Variants in ZNF10 observed in about 807,000 individuals in gnomAD.
ZNF10 encodes zinc finger protein 10.
A neutral mutation model predicts 12.2 loss-of-function variants in ZNF10; 8 were observed. The observed-to-expected ratio is 0.66, with a 90% CI of 0.39 to 1.18. The LOEUF is 1.18. Ranked by LOEUF, ZNF10 falls within the 50% of genes most tolerant of loss-of-function variation. The probability of loss-of-function intolerance (pLI) is 0.01; values close to 1 mark genes in which losing one functional copy is unlikely to be tolerated. For synonymous variants in ZNF10, 229 were observed against 228.2 expected (o/e 1.00, Z -0.03); for missense variants, 603 against 678.9 (o/e 0.89, Z 1.24).
In ZNF10 at chr12:133,151,171, T is replaced by G; in HGVS notation, c.160+17T>G. On this transcript the variant is annotated intron_variant, in intron 3 of 4. Coordinates refer to ENST00000248211, the MANE Select transcript of ZNF10 (RefSeq NM_015394.5). ...TTTCCTTGGGTAAGACTAGCTCTGT[T>G]TTTGAAGATTTTGGTTCTCCATTGA... The G allele has an allele frequency of 6.2e-7, 1 of 1,603,690 alleles. No homozygotes were observed. The highest frequency in any genetic ancestry group is 8.5e-7 in the Non-Finnish European group (1 of 1,173,540).
At chr12:133,140,940 T>G (rs564901134) in intron 1 of ZNF10, among the ~76,000 whole-genome samples, 1 of 98,178 alleles carries the variant, frequency 1.0e-5, no homozygotes, top group South Asian at 2.9e-4. Context: ...GAGCACAGAT[T>G]AGTACATACG....
At chr12:133,139,814 C>T (rs1955934023) in intron 1 of ZNF10, among the ~76,000 whole-genome samples, 1 of 152,100 alleles carries the variant, frequency 6.6e-6, no homozygotes, top group South Asian at 2.1e-4. Flanking sequence ...AGGCCCAGCA[C>T]TTTAGGAGGC....
chr12:133,148,322 T>C (rs575143944), intron 2 of ZNF10, among the ~76,000 whole-genome samples: 2 of 152,304 alleles, frequency 1.3e-5, no homozygotes, highest in South Asian at 4.1e-4. Context: ...CATTTCACCA[T>C]GTTGGCCAGG....
intron 2 of ZNF10, among the ~76,000 whole-genome samples, chr12:133,145,317 A>T (rs1481380760): frequency 6.6e-6 from 1 of 152,240 alleles, no homozygotes; most frequent in Admixed American, 6.5e-5. Flanking sequence ...AGGAGGAATG[A>T]AAGCATACTT....
intron 1 of ZNF10, among the ~76,000 whole-genome samples, chr12:133,137,251 C>T (rs1379026377): frequency 6.6e-6 from 1 of 152,188 alleles, no homozygotes; most frequent in Non-Finnish European, 1.5e-5. Flanking sequence ...ATATCTTCCT[C>T]TAGTCCATTA....
intron 4 of ZNF10, among the ~76,000 whole-genome samples, 156 bp downstream of exon 4, chr12:133,152,060 C>T (rs1956011994): frequency 6.6e-6 from 1 of 152,232 alleles, no homozygotes; most frequent in Non-Finnish European, 1.5e-5. Context: ...CCAGTCTTTA[C>T]ATTCCATTTG....
chr12:133,152,694 G>A (rs1340712124), intron 4 of ZNF10, among the ~76,000 whole-genome samples: 1 of 152,198 alleles, frequency 6.6e-6, no homozygotes, highest in Non-Finnish European at 1.5e-5. Context: ...GGGATTACAG[G>A]CGTGAGCCAC....
At chr12:133,137,932 T>G (rs976296674) in intron 1 of ZNF10, among the ~76,000 whole-genome samples, 1 of 152,124 alleles carries the variant, frequency 6.6e-6, no homozygotes, top group Non-Finnish European at 1.5e-5. Context: ...AAGGATCCTT[T>G]GTGATGGATC....
chr12:133,131,572 C>A (rs529838160), intron 1 of ZNF10, among the ~76,000 whole-genome samples: 5 of 152,106 alleles, frequency 3.3e-5, no homozygotes, highest in Non-Finnish European at 7.4e-5. Flanking sequence ...AGTTAGGTCT[C>A]CGAGAACTGG....
chr12:133,155,275 C>T (rs906002558), intron 4 of ZNF10, among the ~76,000 whole-genome samples: 3 of 152,130 alleles, frequency 2.0e-5, no homozygotes, highest in Non-Finnish European at 4.4e-5. Flanking sequence ...ATGTGTCATG[C>T]TGTGTCCTGT....
intron 1 of ZNF10, among the ~76,000 whole-genome samples, chr12:133,137,370 AC>A (rs1955918566): frequency 1.3e-5 from 2 of 152,300 alleles, no homozygotes; most frequent in African/African-American, 4.8e-5. Context: ...GCTGGCTGTG[AC>A]CTAGATCTGG....
chr12:133,144,733 A>G (rs1226504387), intron 2 of ZNF10, among the ~76,000 whole-genome samples: 1 of 152,206 alleles, frequency 6.6e-6, no homozygotes, highest in Admixed American at 6.5e-5. Flanking sequence ...TCAAATATAT[A>G]CAAAATAAAA....
At chr12:133,155,415 C>T (rs1956032940) in intron 4 of ZNF10, 88 bp from the exon 5 acceptor site, 2 of 1,351,798 alleles carry the variant, frequency 1.5e-6, no homozygotes, top group Non-Finnish European at 2.0e-6. Context: ...CAACTGTGTA[C>T]ATCTTGCATA....
At chr12:133,152,132 G>A (rs933159824) in intron 4 of ZNF10, among the ~76,000 whole-genome samples, 2 of 152,148 alleles carry the variant, frequency 1.3e-5, no homozygotes, top group Admixed American at 1.3e-4. Context: ...TGCACGTGTC[G>A]CTCTCCTAAT....
chr12:133,151,931 G>A (rs762450949), intron 4 of ZNF10, 27 bp downstream of exon 4: 8 of 1,596,258 alleles, frequency 5.0e-6, no homozygotes. Context: ...AGTTGTCATA[G>A]GCAGCAGCCC....
At chr12:133,135,135 A>G (rs947678903) in intron 1 of ZNF10, among the ~76,000 whole-genome samples, 20 of 152,210 alleles carry the variant, frequency 1.3e-4, no homozygotes, top group African/African-American at 4.1e-4. Context: ...ACGCTCAGTC[A>G]CTCTTGATAG....
intron 2 of ZNF10, among the ~76,000 whole-genome samples, chr12:133,150,686 G>A (rs556100103): frequency 1.2e-4 from 18 of 152,002 alleles, no homozygotes; most frequent in African/African-American, 3.6e-4. Flanking sequence ...ACTTGAATTA[G>A]GTTCTTTATT....
intron 2 of ZNF10, 41 bp from the exon 3 acceptor site, chr12:133,150,987 G>A (rs1956003447): frequency 6.3e-7 from 1 of 1,593,220 alleles, no homozygotes; most frequent in Admixed American, 1.7e-5. Flanking sequence ...GGATAGCAAA[G>A]ATGCATATCT....
rs779527174 is a variant in ZNF10, at chr12:133,150,225, TC to T, written c.34-801del. ...TCATTTCCCTTCTGCCTGAAGAACT[TC>T]CTTCAGCACATCTTCTAGAGCAGAA... On this transcript the variant is annotated intron_variant, in intron 2 of 4. Coordinates refer to ENST00000248211, the MANE Select transcript of ZNF10 (RefSeq NM_015394.5). Among the ~76,000 whole-genome samples the T allele has an allele frequency of 6.1e-4, 93 of 152,242 alleles. 1 individual carries two copies. The highest frequency in any genetic ancestry group is 1.1e-3 in the Non-Finnish European group (74 of 68,036).
Sources: gnomAD v4.1 joint callset for allele counts (sites outside exome capture counted in the v4.1 genomes callset) on GRCh38, gnomAD v4.1.1 for gene constraint, MANE v1.5 for transcripts, NCBI Gene and HGNC (gene_info 2026-07-23, HGNC 2026-07-21) for gene names.